The following AKAP6 variants were observed in gnomAD, a reference collection of about 807,000 sequenced individuals.
The protein encoded by AKAP6 is A-kinase anchor protein 6.
A neutral mutation model predicts 188.5 loss-of-function variants in AKAP6; 58 were observed. That is an observed-to-expected ratio of 0.31 (90% CI 0.25 to 0.38). The LOEUF is 0.38. Ranked by LOEUF, AKAP6 falls within the 10% of genes least tolerant of loss-of-function variation. AKAP6 has a pLI of 1.00. For missense variants in AKAP6, 2,710 were observed against 2,740.0 expected (o/e 0.99, Z 0.24); for synonymous variants, 989 against 998.6 (o/e 0.99, Z 0.18).
At chr14:32,660,933 C>CCT (rs544517210) in intron 7 of AKAP6, among the ~76,000 whole-genome samples, 1 of 103,940 alleles carries the variant, frequency 9.6e-6, no homozygotes, top group South Asian at 4.7e-4. Context: ...CACCCCCCCC[C>CCT]CTCCCAATTC....
At chr14:32,561,679 G>A (rs1321974356) in intron 4 of AKAP6, among the ~76,000 whole-genome samples, 3 of 152,192 alleles carry the variant, frequency 2.0e-5, no homozygotes, top group African/African-American at 4.8e-5. Context: ...AATATGACAA[G>A]AGCCAGACAT....
intron 3 of AKAP6, among the ~76,000 whole-genome samples, chr14:32,540,568 G>A (rs1791880250): frequency 6.6e-6 from 1 of 152,014 alleles, no homozygotes; most frequent in South Asian, 2.1e-4. Context: ...CTCTCACCCA[G>A]CTACAAGTAC....
chr14:32,414,394 T>A (rs1339727189), intron 1 of AKAP6, among the ~76,000 whole-genome samples: 1 of 152,236 alleles, frequency 6.6e-6, no homozygotes, highest in African/African-American at 2.4e-5. Context: ...TCTTAAGGGC[T>A]GTGTAAGCAG....
intron 2 of AKAP6, among the ~76,000 whole-genome samples, chr14:32,509,422 G>A (rs1881057445): frequency 6.6e-6 from 1 of 151,954 alleles, no homozygotes; most frequent in African/African-American, 2.4e-5. Flanking sequence ...GCATTGTTTG[G>A]GGCTCTTAAG....
At chr14:32,477,455 C>T (rs1879126823) in intron 2 of AKAP6, among the ~76,000 whole-genome samples, 1 of 152,038 alleles carries the variant, frequency 6.6e-6, no homozygotes, top group Admixed American at 6.6e-5. Flanking sequence ...CCATCTTATA[C>T]ATAGAAGCAA....
intron 4 of AKAP6, among the ~76,000 whole-genome samples, chr14:32,560,791 T>G (rs918117703): frequency 6.6e-6 from 1 of 152,240 alleles, no homozygotes; most frequent in African/African-American, 2.4e-5. Context: ...TCTTTATCTT[T>G]AATCCCGAAG....
At chr14:32,555,523 G>T (rs1181089809) in intron 4 of AKAP6, among the ~76,000 whole-genome samples, 2 of 152,118 alleles carry the variant, frequency 1.3e-5, no homozygotes, top group Non-Finnish European at 2.9e-5. Flanking sequence ...ATATTTGCAT[G>T]GTTGTAAAAC....
chr14:32,506,331 T>A (rs1880875622), intron 2 of AKAP6, among the ~76,000 whole-genome samples: 1 of 152,146 alleles, frequency 6.6e-6, no homozygotes, highest in Non-Finnish European at 1.5e-5. Flanking sequence ...TGGACTGCCC[T>A]CACCTAATGG....
At chr14:32,625,946 A>G (rs1376376085) in intron 7 of AKAP6, among the ~76,000 whole-genome samples, 1 of 152,156 alleles carries the variant, frequency 6.6e-6, no homozygotes, top group African/African-American at 2.4e-5. Context: ...AAGGGACTAA[A>G]TAAGAAGCCC....
intron 12 of AKAP6, among the ~76,000 whole-genome samples, chr14:32,808,786 G>A (rs1053320192): frequency 1.8e-4 from 28 of 151,964 alleles, no homozygotes; most frequent in African/African-American, 4.1e-4. Flanking sequence ...TGTCATCACC[G>A]TAGCTCTAAT....
intron 11 of AKAP6, among the ~76,000 whole-genome samples, chr14:32,751,849 G>T (rs557035514): frequency 1.3e-5 from 2 of 152,058 alleles, no homozygotes; most frequent in African/African-American, 2.4e-5. Flanking sequence ...ATCTTAAATT[G>T]TTCTGTCTTC....
intron 11 of AKAP6, among the ~76,000 whole-genome samples, chr14:32,750,860 G>T (rs533739174): frequency 1.3e-5 from 2 of 148,154 alleles, no homozygotes; most frequent in Non-Finnish European, 3.0e-5. Context: ...TCAGCCTCCC[G>T]AGTAGCTGGG....
intron 1 of AKAP6, among the ~76,000 whole-genome samples, chr14:32,359,843 A>G (rs1225496395): frequency 6.6e-6 from 1 of 152,198 alleles, no homozygotes; most frequent in Admixed American, 6.5e-5. Flanking sequence ...TCATCACATC[A>G]GATTAGAGGG....
intron 7 of AKAP6, among the ~76,000 whole-genome samples, chr14:32,616,647 T>C (rs1286982582): frequency 1.3e-5 from 2 of 152,094 alleles, no homozygotes; most frequent in African/African-American, 4.8e-5. Flanking sequence ...AACTAATGGG[T>C]ACAAGGTTTA....
At chr14:32,729,007 A>G (rs1017176163) in intron 9 of AKAP6, among the ~76,000 whole-genome samples, 1 of 152,160 alleles carries the variant, frequency 6.6e-6, no homozygotes, top group Admixed American at 6.5e-5. Flanking sequence ...CATTAGCTGT[A>G]TATAGTTTAT....
At chr14:32,427,615 A>G (rs1890078943) in intron 1 of AKAP6, among the ~76,000 whole-genome samples, 1 of 152,196 alleles carries the variant, frequency 6.6e-6, no homozygotes, top group Non-Finnish European at 1.5e-5. Flanking sequence ...TTTTCTTTGC[A>G]AAGCCCAATC....
intron 7 of AKAP6, among the ~76,000 whole-genome samples, chr14:32,674,482 T>G (rs960140963): frequency 6.6e-6 from 1 of 152,066 alleles, no homozygotes; most frequent in Non-Finnish European, 1.5e-5. Flanking sequence ...TGCAGAGACA[T>G]TTTAGAAGAG....
chr14:32,589,437 A>G (rs1267838858), intron 5 of AKAP6, among the ~76,000 whole-genome samples: 1 of 152,182 alleles, frequency 6.6e-6, no homozygotes, highest in African/African-American at 2.4e-5. Flanking sequence ...TATAGCATAC[A>G]GGCATTTTGA....
intron 5 of AKAP6, among the ~76,000 whole-genome samples, chr14:32,581,448 T>A (rs1482025357): frequency 6.6e-6 from 1 of 152,072 alleles, no homozygotes; most frequent in Non-Finnish European, 1.5e-5. Flanking sequence ...TATGGTGTGG[T>A]GCTGAAAAAA....
Sources: gnomAD v4.1 joint callset for allele counts (sites outside exome capture counted in the v4.1 genomes callset) on GRCh38, gnomAD v4.1.1 for gene constraint, MANE v1.5 for transcripts, NCBI Gene and HGNC (gene_info 2026-07-23, HGNC 2026-07-21) for gene names.